Variants in IL23R observed in about 807,000 individuals in gnomAD.
The protein encoded by IL23R is interleukin 23 receptor, also known as interleukin-23 receptor.
Under a neutral mutation model 56.9 loss-of-function variants are expected in IL23R, and 34 were observed. That is an observed-to-expected ratio of 0.60 (90% CI 0.45 to 0.80). The LOEUF is 0.80. Among genes scored for constraint, IL23R ranks in the 30% least tolerant of loss-of-function variants. The pLI is 0.00. For synonymous variants in IL23R, 230 were observed against 249.2 expected, an observed-to-expected ratio of 0.92 and a Z score of 0.73; for missense variants, 635 against 730.0, an observed-to-expected ratio of 0.87 and a Z score of 1.50.
chr1:67,157,816 C>T (rs1435654192), intron 1 of IL23R, among the ~76,000 whole-genome samples: 3 of 152,222 alleles, frequency 2.0e-5, no homozygotes, highest in Non-Finnish European at 4.4e-5. Context: ...TGTCTCTCTT[C>T]TCAGACTAGA....
chr1:67,214,086 C>T (rs1007838638), intron 6 of IL23R, among the ~76,000 whole-genome samples: 7 of 152,308 alleles, frequency 4.6e-5, no homozygotes, highest in South Asian at 4.1e-4. Flanking sequence ...GCAGGAAGAT[C>T]ACTTGAGCCA....
Position 67,157,739 on chromosome 1 carries a change from G to T in IL23R, c.-633-10353G>T, listed in dbSNP as rs150208802. Among the ~76,000 whole-genome samples, 120 of 152,248 alleles carry T rather than the reference G, an allele frequency of 7.9e-4. No individual in the cohort carries two copies. In the Middle Eastern group the frequency reaches 0.01, roughly 13 times the overall value. On this transcript the variant is annotated intron_variant, in intron 1 of 10. Transcript: ENST00000637002. Reference sequence around the variant, plus strand: ...GATCTTCTCCGAGCATATTAAACTTGCTGTCTACCTTTCCCACTTAATTTT... The same window carrying T: ...GATCTTCTCCGAGCATATTAAACTTTCTGTCTACCTTTCCCACTTAATTTT...
intron 4 of IL23R, among the ~76,000 whole-genome samples, chr1:67,191,441 G>C (rs560128817): frequency 6.6e-6 from 1 of 152,098 alleles, no homozygotes; most frequent in East Asian, 1.9e-4. Flanking sequence ...CTGCCTACTG[G>C]AGGACACTGC....
intron 1 of IL23R, among the ~76,000 whole-genome samples, 196 bp from the exon 2 acceptor site, chr1:67,167,896 C>T (rs1450918529): frequency 6.6e-6 from 1 of 152,136 alleles, no homozygotes; most frequent in South Asian, 2.1e-4. Flanking sequence ...TTCTCCATCT[C>T]TTGTTATATC....
At chr1:67,251,740 C>T (rs1468139403) in intron 9 of IL23R, among the ~76,000 whole-genome samples, 1 of 152,074 alleles carries the variant, frequency 6.6e-6, no homozygotes, top group East Asian at 1.9e-4. Flanking sequence ...ATTCCTTAAC[C>T]CAGGAATTGA....
Position 67,259,209 on chromosome 1 carries a change from G to T in IL23R, c.*81G>T. ...TTCCCTGCAATAGAAATTGAATTCT[G>T]CCTCTTTTTGAAAAAAATGTATTCA... On this transcript the variant is annotated 3_prime_UTR_variant, in exon 11 of 11. Transcript: ENST00000347310. 1 of 1,360,966 alleles carries T rather than the reference G, an allele frequency of 7.3e-7. No individual in the cohort carries two copies. 84.3% of individuals were successfully genotyped at this position (1,360,966 alleles called of 1,614,324 possible).
At chr1:67,211,553 G>C (rs1024110716) in intron 6 of IL23R, among the ~76,000 whole-genome samples, 10 of 152,062 alleles carry the variant, frequency 6.6e-5, no homozygotes, top group Non-Finnish European at 1.2e-4. Context: ...AATCTGGGAG[G>C]TGGAGGTTGC....
At chr1:67,164,266 T>C (rs761130864), upstream of IL23R, among the ~76,000 whole-genome samples, 1 of 152,022 alleles carries the variant, frequency 6.6e-6, no homozygotes, top group Non-Finnish European at 1.5e-5. Flanking sequence ...GAGGCTGAGA[T>C]GGGCAGATCA....
At chr1:67,241,167 T>G (rs1203244418) in intron 9 of IL23R, among the ~76,000 whole-genome samples, 1 of 152,240 alleles carries the variant, frequency 6.6e-6, no homozygotes. Context: ...TTTGAGAGAT[T>G]GACCAAAACT....
At chr1:67,207,225 A>T in intron 6 of IL23R, 170 bp downstream of exon 6, 1 of 786,556 alleles carries the variant, frequency 1.3e-6, no homozygotes, top group Non-Finnish European at 2.1e-6. Flanking sequence ...TTTATTTTAG[A>T]TTCGGGGGCA....
At chr1:67,201,566 C>CA (rs941049759) in intron 5 of IL23R, among the ~76,000 whole-genome samples, 2 of 139,262 alleles carry the variant, frequency 1.4e-5, no homozygotes, top group African/African-American at 5.4e-5. Flanking sequence ...AAAAAAAAAA[C>CA]AAAAAAACAC....
intron 3 of IL23R, among the ~76,000 whole-genome samples, chr1:67,181,028 C>T (rs1005040195): frequency 6.6e-6 from 1 of 152,148 alleles, no homozygotes; most frequent in Non-Finnish European, 1.5e-5. Flanking sequence ...GGTAACCCGA[C>T]CTTTCTCTCT....
At chr1:67,179,072 A>G (rs1002091705) in intron 3 of IL23R, among the ~76,000 whole-genome samples, 5 of 152,276 alleles carry the variant, frequency 3.3e-5, no homozygotes, top group Admixed American at 3.3e-4. Context: ...ATTGGTCTAA[A>G]ATTCTCTTTT....
intron 9 of IL23R, among the ~76,000 whole-genome samples, chr1:67,251,717 C>T (rs1025238093): frequency 2.0e-5 from 3 of 152,120 alleles, no homozygotes; most frequent in Admixed American, 2.0e-4. Flanking sequence ...AGGTATCAAA[C>T]CAGAAAGGAC....
chr1:67,222,834 C>A (rs1357187362), intron 7 of IL23R, among the ~76,000 whole-genome samples: 1 of 152,102 alleles, frequency 6.6e-6, no homozygotes, highest in Non-Finnish European at 1.5e-5. Flanking sequence ...ACTTTTAATC[C>A]CAGTGTGAAA....
In IL23R at chr1:67,206,919, C is replaced by T. The variant is rs575018195; in HGVS notation, c.662C>T (p.Ser221Phe). Residue 221 changes from serine to phenylalanine, a missense_variant, in exon 6 of 11, where the codon TCT (serine) becomes TTT (phenylalanine). Coordinates refer to ENST00000347310, the MANE Select transcript of IL23R (RefSeq NM_144701.3). ...QIHLDDIVIP[S>F]AAVISRAETI... ...TTTTTTTTTTTTCTAGTGATACCTT[C>T]TGCAGCCGTCATTTCCAGGGCTGAG... 129 of 803,680 alleles carry T rather than the reference C, an allele frequency of 1.6e-4. 1 individual carries two copies. In the East Asian group the frequency reaches 5.0e-3, roughly 31 times the overall value. The allele number at this position is 803,680 out of a possible 1,614,324, so 49.8% of individuals were successfully genotyped here. A position where few individuals can be genotyped will look rare whatever the true frequency, so the allele number is the denominator to read the frequency against.
At chr1:67,206,770 C>A in intron 5 of IL23R, 140 bp from the exon 6 acceptor site, 1 of 938,760 alleles carries the variant, frequency 1.1e-6, no homozygotes, top group Non-Finnish European at 1.6e-6. Flanking sequence ...AGAAAATGTC[C>A]ATAATTGTTC....
intron 9 of IL23R, among the ~76,000 whole-genome samples, chr1:67,253,583 A>C (rs932400052): frequency 8.5e-5 from 13 of 152,204 alleles, no homozygotes; most frequent in Non-Finnish European, 2.9e-5. Flanking sequence ...TCTTATCTAC[A>C]TAGGTTTTTT....
chr1:67,219,565 C>G lies in IL23R; in HGVS notation c.799-9C>G. The G allele has an allele frequency of 6.2e-7, 1 of 1,612,350 alleles. No individual in the cohort carries two copies. On this transcript the variant is annotated splice_polypyrimidine_tract_variant and intron_variant, in intron 6 of 10. Coordinates refer to ENST00000347310, the MANE Select transcript of IL23R (RefSeq NM_144701.3). ...ACCACATTTTATTATTGTTACCCATCCATTTTAGGTTAAAGAATTTGACAC... is the reference window on the plus strand; with the variant it reads ...ACCACATTTTATTATTGTTACCCATGCATTTTAGGTTAAAGAATTTGACAC...
Sources: gnomAD v4.1 joint callset for allele counts (sites outside exome capture counted in the v4.1 genomes callset) on GRCh38, gnomAD v4.1.1 for gene constraint, MANE v1.5 for transcripts, NCBI Gene and HGNC (gene_info 2026-07-23, HGNC 2026-07-21) for gene names.